ATF3: variants seen among roughly 807,000 people sequenced by gnomAD.
The protein encoded by ATF3 is cyclic AMP-dependent transcription factor ATF-3.
ATF3 carries 10 observed loss-of-function variants against 18.4 expected under a neutral mutation model. The observed-to-expected ratio is 0.54, with a 90% CI of 0.34 to 0.92. The LOEUF is 0.92. ATF3 is among the 40% of genes least tolerant of loss of function. The pLI, the probability that ATF3 is intolerant of heterozygous loss-of-function variation, is 0.02. For synonymous variants in ATF3, 78 were observed against 87.9 expected, an observed-to-expected ratio of 0.89 and a Z score of 0.63; for missense variants, 183 against 222.3, an observed-to-expected ratio of 0.82 and a Z score of 1.12.
At chr1:212,568,485 C>T (rs1223766940) in intron 1 of ATF3, among the ~76,000 whole-genome samples, 1 of 152,158 alleles carries the variant, frequency 6.6e-6, no homozygotes, top group African/African-American at 2.4e-5. Context: ...GGGGCTCAGG[C>T]GTGTTTTTGT....
At chr1:212,582,187 G>A (rs961642760) in intron 1 of ATF3, among the ~76,000 whole-genome samples, 3 of 152,124 alleles carry the variant, frequency 2.0e-5, no homozygotes, top group Non-Finnish European at 4.4e-5. Context: ...TTATATTTGC[G>A]ATTTATCTGG....
At chr1:212,588,577 A>C (rs1314776284) in intron 1 of ATF3, among the ~76,000 whole-genome samples, 1 of 152,190 alleles carries the variant, frequency 6.6e-6, no homozygotes, top group Admixed American at 6.5e-5. Flanking sequence ...AAAGTAATAC[A>C]TGTACAGAGT....
chr1:212,582,913 G>C (rs1197521715), intron 1 of ATF3, among the ~76,000 whole-genome samples: 1 of 151,762 alleles, frequency 6.6e-6, no homozygotes, highest in Non-Finnish European at 1.5e-5. Context: ...TCAAGCTGTT[G>C]CCGAGTCGCA....
intron 1 of ATF3, chr1:212,613,315 T>C (rs1458558366): frequency 2.0e-5 from 3 of 152,210 alleles, no homozygotes; most frequent in Non-Finnish European, 4.4e-5. Context: ...AAATTTGCTC[T>C]GGTTTTTTGT....
rs111635211 is a variant in ATF3, at chr1:212,569,259, G to T, written c.-5+3776G>T. Among the ~76,000 whole-genome samples the T allele has an allele frequency of 9.7e-3, 1,483 of 152,110 alleles. 26 individuals are homozygous for T. The highest frequency in any genetic ancestry group is 0.035 in the African/African-American group (1,437 of 41,464). ...CTTTTGGTAAACGTCTTTCTAAAAA[G>T]TATGTCTGGAAAGAGATAAGAGAAA... On this transcript the variant is annotated intron_variant, in intron 1 of 3. Transcript: ENST00000366981.
At chr1:212,570,662 GT>G (rs1415232404) in intron 1 of ATF3, among the ~76,000 whole-genome samples, 1 of 152,140 alleles carries the variant, frequency 6.6e-6, no homozygotes, top group African/African-American at 2.4e-5. Context: ...ACAGATTTTA[GT>G]TTTTTCATCA....
intron 1 of ATF3, among the ~76,000 whole-genome samples, chr1:212,591,729 G>T (rs1461439288): frequency 6.6e-6 from 1 of 152,116 alleles, no homozygotes; most frequent in African/African-American, 2.4e-5. Flanking sequence ...CAGCTTTAAC[G>T]ATTATCAATA....
chr1:212,579,460 A>C (rs1479854433), intron 1 of ATF3, among the ~76,000 whole-genome samples: 1 of 152,220 alleles, frequency 6.6e-6, no homozygotes, highest in African/African-American at 2.4e-5. Context: ...GTGCCAACAC[A>C]TGGTAAACTG....
At chr1:212,616,281 A>C (rs1171965648) in intron 2 of ATF3, among the ~76,000 whole-genome samples, 2 of 151,154 alleles carry the variant, frequency 1.3e-5, no homozygotes, top group Non-Finnish European at 2.9e-5. Flanking sequence ...ACACACACAC[A>C]CACACACAGA....
chr1:212,614,385 C>T (rs749630551), intron 1 of ATF3, among the ~76,000 whole-genome samples: 15 of 152,084 alleles, frequency 9.9e-5, no homozygotes, highest in Non-Finnish European at 1.8e-4. Flanking sequence ...GGTGAAGAAA[C>T]GCACCTGGCT....
chr1:212,595,512 T>G (rs1664974317), intron 1 of ATF3, among the ~76,000 whole-genome samples: 1 of 152,170 alleles, frequency 6.6e-6, no homozygotes, highest in South Asian at 2.1e-4. Flanking sequence ...CCTGGCCTGG[T>G]TTGCTCTGAC....
chr1:212,570,419 A>G (rs1424655891), intron 1 of ATF3, among the ~76,000 whole-genome samples: 1 of 152,248 alleles, frequency 6.6e-6, no homozygotes, highest in East Asian at 1.9e-4. Context: ...GACAAATGAC[A>G]GATGCATATG....
At position 212,569,464 on chromosome 1, in the gene ATF3, G is replaced by A. The variant is rs577763793; in HGVS notation, c.-5+3981G>A. 9.2e-5 allele frequency among the ~76,000 whole-genome samples: 14 copies of A among 152,262 alleles called. No individual in the cohort carries two copies. In the South Asian group the frequency reaches 2.5e-3, roughly 27 times the overall value. On this transcript the variant is annotated intron_variant, in intron 1 of 3. Coordinates refer to the ATF3 transcript ENST00000366981. ...ATGCGAGCCTATTTCCTCCTTACTA[G>A]GATGAAAGACAGGAATGGCTTCCAA... is the stretch of plus-strand genomic sequence containing the variant.
chr1:212,594,185 C>T (rs1284265719), intron 1 of ATF3, among the ~76,000 whole-genome samples: 1 of 152,212 alleles, frequency 6.6e-6, no homozygotes, highest in Non-Finnish European at 1.5e-5. Flanking sequence ...TGACGAGCAG[C>T]TGGCCAGCAG....
At chr1:212,567,575 A>T (rs1664407231) in intron 1 of ATF3, among the ~76,000 whole-genome samples, 1 of 152,174 alleles carries the variant, frequency 6.6e-6, no homozygotes, top group Non-Finnish European at 1.5e-5. Flanking sequence ...TAGGGAAAAA[A>T]ATGTCTTTAT....
chr1:212,613,002 G>A (rs929357875), intron 1 of ATF3, among the ~76,000 whole-genome samples: 4 of 152,056 alleles, frequency 2.6e-5, no homozygotes, highest in Non-Finnish European at 2.9e-5. Context: ...AAAATAGGGC[G>A]ATTATTACAA....
chr1:212,590,902 A>G (rs978758882), intron 1 of ATF3, among the ~76,000 whole-genome samples: 2 of 152,326 alleles, frequency 1.3e-5, no homozygotes, highest in Middle Eastern at 3.4e-3. Context: ...AGGAGGAAAG[A>G]CCTCACAGAA....
chr1:212,595,893 G>A (rs916898479), intron 1 of ATF3, among the ~76,000 whole-genome samples: 9 of 152,194 alleles, frequency 5.9e-5, no homozygotes, highest in African/African-American at 1.9e-4. Flanking sequence ...CTTTGAAACT[G>A]GATTTTGAAA....
At chr1:212,603,625 T>C (rs752157090) in intron 1 of ATF3, among the ~76,000 whole-genome samples, 2 of 152,156 alleles carry the variant, frequency 1.3e-5, no homozygotes, top group African/African-American at 2.4e-5. Flanking sequence ...ATTCTAAAAG[T>C]AGGGAAATGA....
Sources: allele counts gnomAD v4.1 joint callset (sites outside exome capture counted in the v4.1 genomes callset), GRCh38; gene constraint gnomAD v4.1.1; transcripts MANE v1.5; gene names NCBI Gene and HGNC (gene_info 2026-07-23, HGNC 2026-07-21).